Variants in EMCN observed in about 807,000 individuals in gnomAD.
EMCN encodes the protein MUC-14.
A neutral mutation model predicts 38.4 loss-of-function variants in EMCN; 37 were observed. That is an observed-to-expected ratio of 0.96 (90% confidence interval 0.74 to 1.27). EMCN has a LOEUF of 1.27. EMCN is among the 50% of genes most tolerant of loss of function. The pLI is 0.00. For missense variants in EMCN, 318 were observed against 302.8 expected, an observed-to-expected ratio of 1.05 and a Z score of -0.37; for synonymous variants, 95 against 100.8, an observed-to-expected ratio of 0.94 and a Z score of 0.35.
intron 5 of EMCN, 49 bp downstream of exon 5, chr4:100,447,484 A>AT: frequency 1.5e-6 from 2 of 1,364,598 alleles, no homozygotes; most frequent in Non-Finnish European, 2.1e-6. Context: ...TATTCTTGAG[A>AT]TTTTACCCAT....
intron 5 of EMCN, among the ~76,000 whole-genome samples, chr4:100,440,035 G>A (rs1227506799): frequency 6.7e-6 from 1 of 148,258 alleles, no homozygotes; most frequent in Non-Finnish European, 1.5e-5. Context: ...CTTGTTTTGT[G>A]GCTTATCATA....
At chr4:100,512,281 T>C (rs1729645753) in intron 1 of EMCN, among the ~76,000 whole-genome samples, 2 of 152,224 alleles carry the variant, frequency 1.3e-5, no homozygotes, top group South Asian at 4.1e-4. Context: ...AAATCTATTT[T>C]TCTTATGGTT....
At position 100,397,246 on chromosome 4, in the gene EMCN, T is replaced by C. The variant is rs1316472817; in HGVS notation, c.*1167A>G. 6.6e-6 allele frequency: 1 copy of C among 152,212 alleles called. No individual in the cohort carries two copies. Among genetic ancestry groups the C allele is most frequent in the Non-Finnish European group, 1.5e-5 (1 of 68,038 alleles). The allele number at this position is 152,212 out of a possible 1,614,324, so 9.4% of individuals were successfully genotyped here. A position where few individuals can be genotyped will look rare whatever the true frequency, so the allele number is the denominator to read the frequency against. On this transcript the variant is annotated 3_prime_UTR_variant, in exon 12 of 12. Transcript: ENST00000296420. ...TACAAAGCTGCCACCAGCAGCTTAT[T>C]AGTTCTAAAGCTTTCCAAAAAACCT... is the stretch of plus-strand genomic sequence containing the variant.
At chr4:100,443,359 G>A (rs1727575835) in intron 5 of EMCN, among the ~76,000 whole-genome samples, 1 of 152,196 alleles carries the variant, frequency 6.6e-6, no homozygotes, top group Admixed American at 6.5e-5. Context: ...TGGGTCTGAG[G>A]CTGCCAGTTG....
intron 5 of EMCN, among the ~76,000 whole-genome samples, chr4:100,445,687 A>C (rs1041406736): frequency 3.3e-5 from 5 of 152,208 alleles, no homozygotes; most frequent in Non-Finnish European, 7.3e-5. Context: ...TTTGATGCCA[A>C]ATACATAAAA....
rs781769109 is a variant in EMCN at position 100,475,072 on chromosome 4, C to T, written c.225G>A (p.Met75Ile). The T allele has an allele frequency of 6.5e-7, 1 of 1,540,184 alleles. No homozygotes were observed. Among genetic ancestry groups the T allele is most frequent in the Admixed American group, 1.8e-5 (1 of 56,232 alleles). The change falls in exon 3 of 12, where the codon ATG becomes ATA. Residue 75 changes from methionine (M) to isoleucine (I), a missense_variant. Coordinates refer to ENST00000296420, the MANE Select transcript of EMCN (RefSeq NM_016242.4). ...TACTTGTTAAAAAAGTAGCTGTTGA[C>T]ATCAGAGACATTTTAAGTAATTCAT... Reference protein sequence around the residue: ...ITNELLKMSLMSTATFLTSKD... With the variant: ...ITNELLKMSLISTATFLTSKD...
intron 11 of EMCN, among the ~76,000 whole-genome samples, chr4:100,402,681 G>T (rs1002857005): frequency 2.6e-5 from 4 of 152,208 alleles, no homozygotes; most frequent in South Asian, 2.1e-4. Flanking sequence ...CAAATCAAAA[G>T]GCTTGGAATC....
At chr4:100,505,665 T>C (rs114264505) in intron 1 of EMCN, among the ~76,000 whole-genome samples, 178 of 152,182 alleles carry the variant, frequency 1.2e-3, no homozygotes, top group African/African-American at 4.1e-3. Flanking sequence ...GCTTTAACTA[T>C]CTCCCAGACT....
chr4:100,468,297 T>A (rs987549230), intron 3 of EMCN, among the ~76,000 whole-genome samples: 3 of 152,308 alleles, frequency 2.0e-5, no homozygotes, highest in Admixed American at 2.0e-4. Flanking sequence ...CTTGGAATTG[T>A]TAACGTGTAA....
chr4:100,480,360 A>G (rs1728773862), intron 1 of EMCN, among the ~76,000 whole-genome samples: 1 of 152,018 alleles, frequency 6.6e-6, no homozygotes, highest in African/African-American at 2.4e-5. Flanking sequence ...GCCAGATGAA[A>G]TGCTTAAATG....
At chr4:100,517,180 C>T (rs1250491333) in intron 1 of EMCN, among the ~76,000 whole-genome samples, 1 of 152,026 alleles carries the variant, frequency 6.6e-6, no homozygotes, top group African/African-American at 2.4e-5. Context: ...AAGATACAAA[C>T]CTATTTTTTA....
In EMCN at chr4:100,425,398, A is replaced by G. The variant is rs564829559; in HGVS notation, c.416-1994T>C. 7.2e-5 allele frequency among the ~76,000 whole-genome samples: 11 copies of G among 152,192 alleles called. No individual in the cohort carries two copies. The East Asian group carries it at 1.4e-3, about 19-fold the overall frequency. On this transcript the variant is annotated intron_variant, in intron 5 of 11. Transcript: ENST00000296420. ...TGTTGAGACTGTATTATCCTACATT[A>G]CTAACAAAGTGGCATTGCCAGAGGA...
intron 1 of EMCN, among the ~76,000 whole-genome samples, chr4:100,508,286 C>T (rs1394159848): frequency 6.6e-6 from 1 of 152,304 alleles, no homozygotes; most frequent in East Asian, 1.9e-4. Flanking sequence ...TCAGTGTACT[C>T]TTCACCACTT....
chr4:100,505,894 T>G (rs1729468551), intron 1 of EMCN, among the ~76,000 whole-genome samples: 1 of 152,304 alleles, frequency 6.6e-6, no homozygotes, highest in Admixed American at 6.5e-5. Context: ...TGTATTCTAA[T>G]TTCTAATTGA....
rs2110263370 is a variant in EMCN at position 100,465,333 on chromosome 4, T to C, written c.376+90A>G. The C allele has an allele frequency of 4.2e-6, 3 of 709,888 alleles. No homozygotes were observed. The South Asian group carries it at 5.9e-5, about 14-fold the overall frequency. The allele number at this position is 709,888 out of a possible 1,614,324, so 44.0% of individuals were successfully genotyped here. ...AAGAGACAATTTAAGCAGAGCATAA[T>C]TCCTTGGCAGTTGTATGCTGGAAAA... On this transcript the variant is annotated intron_variant, in intron 4 of 11. Transcript: ENST00000296420.
At chr4:100,508,423 G>T (rs141724711) in intron 1 of EMCN, among the ~76,000 whole-genome samples, 2 of 152,196 alleles carry the variant, frequency 1.3e-5, no homozygotes, top group Admixed American at 1.3e-4. Context: ...CTAATGAATA[G>T]CATATGTATT....
At position 100,395,501 on chromosome 4, in the gene EMCN, C is replaced by G. The variant is rs1726098435; in HGVS notation, c.*2912G>C. On this transcript the variant is annotated 3_prime_UTR_variant, in exon 12 of 12. Coordinates refer to ENST00000296420, the MANE Select transcript of EMCN (RefSeq NM_016242.4). ...TTTAATTAATCACAATGATGGATAT[C>G]TTTAACATTAGGCAATAATTGACAG... 1 of 152,106 alleles carries G rather than the reference C, an allele frequency of 6.6e-6. No individual in the cohort carries two copies. Among genetic ancestry groups the G allele is most frequent in the Admixed American group, 6.6e-5 (1 of 15,262 alleles). The allele number at this position is 152,106 out of a possible 1,614,324, so 9.4% of individuals were successfully genotyped here.
At chr4:100,399,447 A>T (rs1198751073) in intron 11 of EMCN, among the ~76,000 whole-genome samples, 1 of 152,108 alleles carries the variant, frequency 6.6e-6, no homozygotes, top group Non-Finnish European at 1.5e-5. Flanking sequence ...GGGATGGCCG[A>T]ACTGTTGCTT....
Position 100,409,039 on chromosome 4 carries a change from A to G in EMCN, c.*39+1243T>C, listed in dbSNP as rs190598231. Among the ~76,000 whole-genome samples, 208 of 152,304 alleles carry G rather than the reference A, an allele frequency of 1.4e-3. 1 individual carries two copies. The highest frequency in any genetic ancestry group is 4.8e-3 in the African/African-American group (198 of 41,586). On this transcript the variant is annotated intron_variant, in intron 11 of 11. Transcript: ENST00000296420. ...CACTCCTCTGTCTCTGTCTTCTGCT[A>G]CTGGTCAGACAAGCACAGCAGGTAC...
Sources: allele counts gnomAD v4.1 joint callset (sites outside exome capture counted in the v4.1 genomes callset), GRCh38; gene constraint gnomAD v4.1.1; transcripts MANE v1.5; gene names NCBI Gene and HGNC (gene_info 2026-07-23, HGNC 2026-07-21).